The following ASCC3 variants were observed in gnomAD, a reference collection of about 807,000 sequenced individuals.
ASCC3 encodes activating signal cointegrator 1 complex subunit 3, also known as ASC-1 complex subunit P200.
ASCC3 carries 158 observed loss-of-function variants against 256.3 expected under a neutral mutation model. That is an observed-to-expected ratio of 0.62 (90% CI 0.54 to 0.70). The LOEUF (loss-of-function observed/expected upper bound fraction) is 0.70. ASCC3 is among the 30% of genes least tolerant of loss of function. ASCC3 has a pLI of 0.00. For synonymous variants in ASCC3, 948 were observed against 883.4 expected (o/e 1.07, Z -1.30); for missense variants, 2,259 against 2,626.0 (o/e 0.86, Z 3.05).
chr6:100,787,471 C>T (rs902470728), intron 8 of ASCC3, among the ~76,000 whole-genome samples: 1 of 151,998 alleles, frequency 6.6e-6, no homozygotes, highest in East Asian at 1.9e-4. Flanking sequence ...ATCAAATAAT[C>T]TATAGATTCA....
At chr6:100,697,394 A>C (rs1479147462) in intron 13 of ASCC3, among the ~76,000 whole-genome samples, 1 of 142,866 alleles carries the variant, frequency 7.0e-6, no homozygotes, top group South Asian at 2.2e-4. Context: ...TAACTTCTAT[A>C]AGCAATTTAT....
chr6:100,585,992 T>TG (rs936170053), intron 36 of ASCC3, among the ~76,000 whole-genome samples: 2 of 152,150 alleles, frequency 1.3e-5, no homozygotes, highest in African/African-American at 4.8e-5. Context: ...CTGCTCCTAC[T>TG]GGGGGGTGCC....
chr6:100,768,096 G>A (rs542633449), intron 8 of ASCC3, among the ~76,000 whole-genome samples: 12 of 152,060 alleles, frequency 7.9e-5, no homozygotes, highest in African/African-American at 1.9e-4. Flanking sequence ...TAAATTAATC[G>A]CAAATTCTAT....
intron 39 of ASCC3, 66 bp downstream of exon 39, chr6:100,516,114 T>G: frequency 6.2e-7 from 1 of 1,605,444 alleles, no homozygotes; most frequent in Admixed American, 1.7e-5. Flanking sequence ...TGCTCTAAGT[T>G]AGAAAACTCT....
chr6:100,798,650 T>A, intron 8 of ASCC3, 63 bp downstream of exon 8: 1 of 1,604,452 alleles, frequency 6.2e-7, no homozygotes, highest in Non-Finnish European at 8.5e-7. Flanking sequence ...TTTTCCAGTA[T>A]AAATTCATTC....
At chr6:100,776,320 T>C (rs1319891942) in intron 8 of ASCC3, among the ~76,000 whole-genome samples, 2 of 152,110 alleles carry the variant, frequency 1.3e-5, no homozygotes, top group Admixed American at 6.5e-5. Flanking sequence ...TTAATCCAGA[T>C]AGTCATTCTA....
chr6:100,552,250 G>A (rs976296704), intron 36 of ASCC3, among the ~76,000 whole-genome samples: 2 of 151,800 alleles, frequency 1.3e-5, no homozygotes, highest in Non-Finnish European at 2.9e-5. Context: ...GTTTTCAGAT[G>A]TAAATCTTTG....
intron 26 of ASCC3, among the ~76,000 whole-genome samples, chr6:100,629,644 G>C (rs1233125014): frequency 6.6e-6 from 1 of 152,106 alleles, no homozygotes; most frequent in East Asian, 1.9e-4. Flanking sequence ...TTTAGATTGT[G>C]TGCAAGCTCA....
chr6:100,788,335 T>C (rs979624464), intron 8 of ASCC3, among the ~76,000 whole-genome samples: 2 of 151,938 alleles, frequency 1.3e-5, no homozygotes, highest in Non-Finnish European at 2.9e-5. Flanking sequence ...GACAAAAATA[T>C]AGGGTAAGTG....
rs58286754 is a variant in ASCC3 at position 100,712,751 on chromosome 6, C to CT, written c.2151+2710dup. Among the ~76,000 whole-genome samples the CT allele has an allele frequency of 1.6e-3, 110 of 69,708 alleles. 2 individuals are homozygous for CT. The highest frequency in any genetic ancestry group is 2.8e-3 in the African/African-American group (52 of 18,468). The allele number at this position is 69,708 out of a possible 152,430, so 45.7% of individuals were successfully genotyped here. ...TACCATATGATCTAGCAATTATACT[C>CT]TTTTTTTTTTTTTTTTTTTTTTTTG... On this transcript the variant is annotated intron_variant, in intron 13 of 41. Transcript: ENST00000369162.
At chr6:100,657,588 T>C (rs567368089) in intron 16 of ASCC3, among the ~76,000 whole-genome samples, 3 of 151,552 alleles carry the variant, frequency 2.0e-5, no homozygotes, top group African/African-American at 7.2e-5. Context: ...AACCTTAGAA[T>C]ATTATTTTAA....
chr6:100,727,682 A>AACAACAACAAC lies in ASCC3; in HGVS notation c.1738-1980_1738-1979insGTTGTTGTTGT, dbSNP rs1554220776. On this transcript the variant is annotated intron_variant, in intron 10 of 41. Coordinates refer to ENST00000369162, the MANE Select transcript of ASCC3 (RefSeq NM_006828.4). ...ACAACAACAACAACAACAACAACAA[A>AACAACAACAAC]AAAGGGTCTAAATATGTTTTATTCA... 9.5e-4 allele frequency among the ~76,000 whole-genome samples: 137 copies of AACAACAACAAC among 144,906 alleles called. 2 individuals carry two copies. The highest frequency in any genetic ancestry group is 7.9e-3 in the East Asian group (37 of 4,668).
intron 13 of ASCC3, among the ~76,000 whole-genome samples, chr6:100,711,366 A>G (rs192629587): frequency 7.9e-5 from 12 of 151,144 alleles, no homozygotes; most frequent in Non-Finnish European, 1.2e-4. Context: ...GTCCCACAGT[A>G]AAGTATTTAT....
rs1467221588 is a variant in ASCC3, at chr6:100,628,885, T to C, written c.4375+130A>G. 4.7e-6 allele frequency: 4 copies of C among 854,400 alleles called. No homozygotes were observed. In the East Asian group the frequency reaches 1.1e-4, roughly 23 times the overall value. The allele number at this position is 854,400 out of a possible 1,614,324, so 52.9% of individuals were successfully genotyped here. A position where few individuals can be genotyped will look rare whatever the true frequency, so the allele number is the denominator to read the frequency against. The stretch of plus-strand genomic sequence containing the variant: ...CTTGATTTAATAATTCCACATTATA[T>C]ACATACATCAAAAAATCACATTGTG... On this transcript the variant is annotated intron_variant, in intron 27 of 41. Transcript: ENST00000369162.
At chr6:100,714,251 T>G (rs559102487) in intron 13 of ASCC3, among the ~76,000 whole-genome samples, 1 of 152,296 alleles carries the variant, frequency 6.6e-6, no homozygotes, top group Non-Finnish European at 1.5e-5. Context: ...TCTGCCAGCC[T>G]CTGACCTAGA....
intron 34 of ASCC3, among the ~76,000 whole-genome samples, chr6:100,595,818 A>C (rs915565893): frequency 6.6e-6 from 1 of 152,232 alleles, no homozygotes; most frequent in Non-Finnish European, 1.5e-5. Flanking sequence ...CATTTCAAAT[A>C]TAGTAGACAC....
chr6:100,694,082 T>A (rs1351004822), intron 13 of ASCC3, among the ~76,000 whole-genome samples: 1 of 152,026 alleles, frequency 6.6e-6, no homozygotes, highest in African/African-American at 2.4e-5. Flanking sequence ...TATTTGCTCT[T>A]GGATAAAAGT....
intron 3 of ASCC3, among the ~76,000 whole-genome samples, chr6:100,855,905 A>T (rs1772920960): frequency 6.6e-6 from 1 of 152,228 alleles, no homozygotes; most frequent in South Asian, 2.1e-4. Flanking sequence ...GATATTAATT[A>T]GCTACCCACT....
intron 37 of ASCC3, chr6:100,530,525 A>C: frequency 1.3e-6 from 1 of 785,304 alleles, no homozygotes; most frequent in Non-Finnish European, 2.4e-6. Context: ...AAATTGGAAT[A>C]GATGGTATAT....
Sources: gnomAD v4.1 joint callset for allele counts (sites outside exome capture counted in the v4.1 genomes callset) on GRCh38, gnomAD v4.1.1 for gene constraint, MANE v1.5 for transcripts, NCBI Gene and HGNC (gene_info 2026-07-23, HGNC 2026-07-21) for gene names.